MAST4: variants seen among roughly 807,000 people sequenced by gnomAD.
MAST4 encodes the protein microtubule-associated serine/threonine-protein kinase 4.
Under a neutral mutation model 162.7 loss-of-function variants are expected in MAST4, and 89 were observed. The ratio of observed to expected loss-of-function variants is 0.55; its 90% CI spans 0.46 to 0.65. The LOEUF (loss-of-function observed/expected upper bound fraction) is 0.65, where lower values mean the gene tolerates loss of function less well. Ranked by LOEUF, MAST4 falls within the 30% of genes least tolerant of loss-of-function variation. The pLI is 0.00. For synonymous variants in MAST4, 1,479 were observed against 1,361.1 expected (o/e 1.09, Z -1.91); for missense variants, 3,153 against 3,374.0 (o/e 0.93, Z 1.62).
intron 4 of MAST4, among the ~76,000 whole-genome samples, chr5:67,046,241 A>G (rs1290686380): frequency 1.3e-5 from 2 of 152,136 alleles, no homozygotes; most frequent in Non-Finnish European, 2.9e-5. Context: ...TATCCCTGCT[A>G]AGCAACAAGT....
At chr5:66,940,756 C>CTCTTTTTATGA (rs1270319884) in intron 4 of MAST4, among the ~76,000 whole-genome samples, 2 of 152,188 alleles carry the variant, frequency 1.3e-5, no homozygotes, top group East Asian at 3.9e-4. Context: ...CTATTTTGAC[C>CTCTTTTTATGA]TCTTTTTATG....
chr5:66,932,407 G>A (rs543581395), intron 4 of MAST4, among the ~76,000 whole-genome samples: 9 of 152,296 alleles, frequency 5.9e-5, no homozygotes, highest in African/African-American at 2.2e-4. Flanking sequence ...GATTGTGGAA[G>A]TGGAGGTGAC....
At chr5:67,006,338 A>G (rs1166678365) in intron 4 of MAST4, among the ~76,000 whole-genome samples, 1 of 152,236 alleles carries the variant, frequency 6.6e-6, no homozygotes, top group Non-Finnish European at 1.5e-5. Flanking sequence ...TCGTTCTGCC[A>G]TATATGGTCA....
intron 3 of MAST4, among the ~76,000 whole-genome samples, chr5:66,823,030 T>A (rs1384757572): frequency 6.6e-6 from 1 of 152,246 alleles, no homozygotes; most frequent in South Asian, 2.1e-4. Flanking sequence ...ATGGGGGCAG[T>A]TTCCCCCATG....
chr5:66,713,731 G>C (rs768312757), intron 1 of MAST4, among the ~76,000 whole-genome samples: 17 of 152,246 alleles, frequency 1.1e-4, no homozygotes, highest in East Asian at 5.8e-4. Context: ...TTAGTTGTCA[G>C]TATTTATCTC....
At chr5:67,077,853 A>G (rs112231781) in intron 5 of MAST4, among the ~76,000 whole-genome samples, 2,951 of 152,272 alleles carry the variant, frequency 0.019, 106 homozygotes, top group African/African-American at 0.068. Flanking sequence ...TAATCCCAGC[A>G]CTTTGGGAGG....
At chr5:66,956,884 A>T (rs1745380707) in intron 4 of MAST4, among the ~76,000 whole-genome samples, 1 of 152,180 alleles carries the variant, frequency 6.6e-6, no homozygotes, top group Non-Finnish European at 1.5e-5. Context: ...ATTTAGGAAT[A>T]ATCTAGCCAA....
chr5:67,121,428 ATG>A (rs1358186909), intron 14 of MAST4, among the ~76,000 whole-genome samples: 1 of 141,114 alleles, frequency 7.1e-6, no homozygotes, highest in African/African-American at 2.9e-5. Context: ...TGAAATATAT[ATG>A]TATATATTAA....
intron 3 of MAST4, among the ~76,000 whole-genome samples, chr5:66,806,934 G>T (rs983933495): frequency 6.6e-6 from 1 of 152,002 alleles, no homozygotes; most frequent in African/African-American, 2.4e-5. Flanking sequence ...TCATAATCTG[G>T]CAGTGGAACT....
At chr5:66,879,361 CATATATAT>C (rs70987144) in intron 3 of MAST4, among the ~76,000 whole-genome samples, 29 of 55,066 alleles carry the variant, frequency 5.3e-4, no homozygotes, top group Admixed American at 3.7e-3. Flanking sequence ...CACACACACA[CATATATAT>C]ATATATATAT....
intron 4 of MAST4, among the ~76,000 whole-genome samples, chr5:66,987,218 G>A (rs1749610944): frequency 6.6e-6 from 1 of 152,094 alleles, no homozygotes; most frequent in Admixed American, 6.5e-5. Flanking sequence ...AAGGTGACAT[G>A]TTTTTGCTTT....
At chr5:66,988,063 C>T (rs1005448981) in intron 4 of MAST4, among the ~76,000 whole-genome samples, 1 of 152,190 alleles carries the variant, frequency 6.6e-6, no homozygotes, top group Non-Finnish European at 1.5e-5. Flanking sequence ...TGACTTTTCA[C>T]TTAAGTTTAC....
At chr5:67,080,182 A>G (rs1762435812) in intron 5 of MAST4, among the ~76,000 whole-genome samples, 1 of 152,176 alleles carries the variant, frequency 6.6e-6, no homozygotes, top group African/African-American at 2.4e-5. Flanking sequence ...CCCGGGTATC[A>G]TTTGTCTTTG....
chr5:66,688,776 C>T (rs758994520), intron 1 of MAST4, among the ~76,000 whole-genome samples: 7 of 151,886 alleles, frequency 4.6e-5, no homozygotes, highest in Non-Finnish European at 7.4e-5. Context: ...TTTGTGGACT[C>T]TTAGGCAATG....
At chr5:67,156,752 G>A (rs1772587535) in intron 26 of MAST4, among the ~76,000 whole-genome samples, 1 of 152,220 alleles carries the variant, frequency 6.6e-6, no homozygotes, top group South Asian at 2.1e-4. Flanking sequence ...GTAGTGAAGG[G>A]GTTGAGGCCG....
chr5:66,975,296 T>A (rs1747995889), intron 4 of MAST4, among the ~76,000 whole-genome samples: 2 of 152,242 alleles, frequency 1.3e-5, no homozygotes, highest in African/African-American at 2.4e-5. Flanking sequence ...TGTCATTTGT[T>A]ACAGCTGCTG....
At chr5:66,912,367 C>A (rs1763833805) in intron 4 of MAST4, among the ~76,000 whole-genome samples, 1 of 152,168 alleles carries the variant, frequency 6.6e-6, no homozygotes, top group African/African-American at 2.4e-5. Flanking sequence ...AGTATCTTAA[C>A]AAATCAAGAA....
At chr5:66,792,685 A>G (rs146730853) in intron 3 of MAST4, 11 of 152,340 alleles carry the variant, frequency 7.2e-5, no homozygotes, top group Non-Finnish European at 1.6e-4. Flanking sequence ...CTTAAAGTCT[A>G]TGATACAGGC....
intron 4 of MAST4, among the ~76,000 whole-genome samples, chr5:66,906,405 C>A (rs1224126703): frequency 6.6e-6 from 1 of 152,196 alleles, no homozygotes; most frequent in African/African-American, 2.4e-5. Context: ...TTCACCCTTT[C>A]ATTATTCCTC....
Sources: gnomAD v4.1 joint callset for allele counts (sites outside exome capture counted in the v4.1 genomes callset) on GRCh38, gnomAD v4.1.1 for gene constraint, MANE v1.5 for transcripts, NCBI Gene and HGNC (gene_info 2026-07-23, HGNC 2026-07-21) for gene names.